C4orf50: variants seen among roughly 807,000 people sequenced by gnomAD.
C4orf50 encodes chromosome 4 open reading frame 50, also known as uncharacterized protein C4orf50.
C4orf50 carries 80 observed loss-of-function variants against 77.2 expected under a neutral mutation model. That is an observed-to-expected ratio of 1.04 (90% CI 0.87 to 1.25). C4orf50 has a LOEUF of 1.25. C4orf50 is among the 50% of genes most tolerant of loss of function. C4orf50 has a pLI of 0.00. For synonymous variants in C4orf50, 532 were observed against 465.3 expected, an observed-to-expected ratio of 1.14 and a Z score of -1.84; for missense variants, 1,257 against 1,152.9, an observed-to-expected ratio of 1.09 and a Z score of -1.31.
At chr4:5,913,044 T>C (rs1230066744) in intron 7 of C4orf50, among the ~76,000 whole-genome samples, 2 of 152,238 alleles carry the variant, frequency 1.3e-5, no homozygotes, top group African/African-American at 4.8e-5. Context: ...CGTATCTCTC[T>C]GGCCAACAAG....
intron 25 of C4orf50, among the ~76,000 whole-genome samples, chr4:6,005,983 A>G (rs1156733954): frequency 6.6e-6 from 1 of 152,232 alleles, no homozygotes; most frequent in African/African-American, 2.4e-5. Context: ...GGAAAATTAC[A>G]GAGAGAATTT....
At chr4:5,938,817 G>A (rs376482341) in intron 7 of C4orf50, among the ~76,000 whole-genome samples, 1 of 150,214 alleles carries the variant, frequency 6.7e-6, no homozygotes, top group East Asian at 2.0e-4. Flanking sequence ...TATCATTTAA[G>A]ACAAATGATG....
chr4:5,921,641 G>T (rs1159829921), intron 7 of C4orf50, among the ~76,000 whole-genome samples: 1 of 152,096 alleles, frequency 6.6e-6, no homozygotes, highest in African/African-American at 2.4e-5. Flanking sequence ...CACCGGGTGG[G>T]TAAGTTGGCA....
intron 7 of C4orf50, among the ~76,000 whole-genome samples, chr4:5,927,394 T>C (rs955199852): frequency 2.0e-5 from 3 of 152,034 alleles, no homozygotes; most frequent in Non-Finnish European, 2.9e-5. Flanking sequence ...TGGAGCTTAC[T>C]CTCTTGCTTT....
chr4:5,976,035 A>C, intron 29 of C4orf50, 80 bp from the exon 8 acceptor site: 1 of 1,211,600 alleles, frequency 8.3e-7, no homozygotes, highest in Non-Finnish European at 1.2e-6. Context: ...AGCTGGGCTC[A>C]GAACAGCTGG....
exon 28 of C4orf50, chr4:5,989,117 G>T: frequency 6.5e-7 from 1 of 1,535,854 alleles, no homozygotes; most frequent in Non-Finnish European, 8.7e-7. Flanking sequence ...TGGTTATCCC[G>T]CTCGAGCCTG....
Position 6,004,284 on chromosome 4 carries a change from TGTTGGTG to T in C4orf50, c.963+3705_963+3711del, listed in dbSNP as rs1560598955. Among the ~76,000 whole-genome samples the T allele has an allele frequency of 5.0e-3, 367 of 73,180 alleles. 18 individuals carry two copies. Among genetic ancestry groups the T allele is most frequent in the East Asian group, 0.03 (25 of 824 alleles). 48.0% of individuals were successfully genotyped at this position (73,180 alleles called of 152,430 possible). A position where few individuals can be genotyped will look rare whatever the true frequency, so the allele number is the denominator to read the frequency against. The stretch of plus-strand genomic sequence containing the variant: ...GTGATGGTGGTGATGGTGATGGTGA[TGTTGGTG>T]ATGATGGTGATGGTGGTGATGATGT... On this transcript the variant is annotated intron_variant, in intron 25 of 33. Transcript: ENST00000531445.
At chr4:5,982,539 G>A (rs1042868072) in intron 28 of C4orf50, among the ~76,000 whole-genome samples, 2 of 152,166 alleles carry the variant, frequency 1.3e-5, no homozygotes, top group African/African-American at 2.4e-5. Context: ...GTGATGACCT[G>A]AAGGGGGCAC....
At chr4:5,994,349 G>A in exon 26 of C4orf50, 1 of 399,272 alleles carries the variant, frequency 2.5e-6, no homozygotes, top group Non-Finnish European at 4.4e-6. Context: ...CCGCGCACCT[G>A]CTGGGGCCCT....
chr4:5,919,133 G>A lies in C4orf50; in HGVS notation c.*2475-20945C>T, dbSNP rs746456075. 6.6e-6 allele frequency among the ~76,000 whole-genome samples: 1 copy of A among 152,178 alleles called. No individual in the cohort carries two copies. The highest frequency in any genetic ancestry group is 1.5e-5 in the Non-Finnish European group (1 of 68,024). On this transcript the variant is annotated intron_variant, in intron 7 of 7. Coordinates refer to the C4orf50 transcript ENST00000324058. This position sits in a 1 kb window ranked among gnomAD's most constrained non-coding sequence, Gnocchi z 6.5. ...GGACATTGCTAGTGAGCGGTAGCGG[G>A]GAATGCTGGGGTGTGGGGGCAACGT...
intron 28 of C4orf50, among the ~76,000 whole-genome samples, chr4:5,987,899 C>T (rs1411140647): frequency 6.6e-6 from 1 of 152,108 alleles, no homozygotes; most frequent in African/African-American, 2.4e-5. Context: ...AGCACAGAGC[C>T]GGGTTGGAAC....
rs140162294 is a variant in C4orf50 at position 5,983,372 on chromosome 4, G to A, written c.3700-3034C>T. ...CTCATCTCACACCACACCCTTCCTTGCCCATTGGAATCCAGCCACGCTGAC... is the reference window on the plus strand; with the variant it reads ...CTCATCTCACACCACACCCTTCCTTACCCATTGGAATCCAGCCACGCTGAC... On this transcript the variant is annotated intron_variant, in intron 28 of 33. Transcript: ENST00000531445. Among the ~76,000 whole-genome samples the A allele has an allele frequency of 5.8e-3, 882 of 152,176 alleles. 3 individuals carry two copies. The highest frequency in any genetic ancestry group is 0.014 in the Middle Eastern group (4 of 294).
Position 6,008,844 on chromosome 4 carries a change from C to T in C4orf50, c.427-312G>A, listed in dbSNP as rs1328402384. ...ATCAGCGAGTACACACCCTGAGGGC[C>T]GCTGGAGATGTCCGGATACTGAATA... On this transcript the variant is annotated intron_variant, in intron 24 of 33. Coordinates refer to ENST00000531445, the Ensembl canonical transcript of C4orf50. The surrounding 1 kb of genome is among the most constrained non-coding windows in gnomAD (Gnocchi z 6.0). Among the ~76,000 whole-genome samples, 1 of 152,098 alleles carries T rather than the reference C, an allele frequency of 6.6e-6. No individual in the cohort carries two copies. The highest frequency in any genetic ancestry group is 1.5e-5 in the Non-Finnish European group (1 of 68,016).
chr4:5,981,365 T>C (rs1476880288), intron 28 of C4orf50, among the ~76,000 whole-genome samples: 16 of 151,554 alleles, frequency 1.1e-4, no homozygotes, highest in Non-Finnish European at 7.4e-5. Context: ...TTCCCTGAGA[T>C]CATCAGGGGG....
chr4:5,951,396 G>A (rs931997221), intron 7 of C4orf50, among the ~76,000 whole-genome samples: 2 of 152,086 alleles, frequency 1.3e-5, no homozygotes, highest in East Asian at 1.9e-4. Flanking sequence ...AGAAACTGAG[G>A]CTCAGAGAGG....
rs1722334713 is a variant in C4orf50 at position 6,008,275 on chromosome 4, T to C, written c.684A>G (p.Pro228=). The C allele has an allele frequency of 5.1e-6, 2 of 391,550 alleles. No homozygotes were observed. The highest frequency in any genetic ancestry group is 2.6e-4 in the South Asian group (2 of 7,804). The allele number at this position is 391,550 out of a possible 1,614,324, so 24.3% of individuals were successfully genotyped here. ...CCGCCTCGGTGGCGCCCTGGGAGCC[T>C]GGGGCCGCGGTGTCCCACTGGGCCA... The change falls in exon 25 of 34, where the codon CCA becomes CCG. Residue 228 remains proline, a synonymous_variant. Transcript: ENST00000531445. The surrounding 1 kb of genome is among the most constrained non-coding windows in gnomAD (Gnocchi z 6.0).
intron 31 of C4orf50, among the ~76,000 whole-genome samples, chr4:5,968,487 G>A (rs968806044): frequency 7.9e-5 from 12 of 152,116 alleles, no homozygotes; most frequent in African/African-American, 2.7e-4. Flanking sequence ...GCTCCTGAAC[G>A]GTGCTCTTAG....
chr4:6,003,829 T>G, intron 25 of C4orf50, among the ~76,000 whole-genome samples: 2 of 121,306 alleles, frequency 1.6e-5, no homozygotes, highest in Non-Finnish European at 3.4e-5. Context: ...ATGGTGATGG[T>G]GATGATGTGA....
intron 7 of C4orf50, among the ~76,000 whole-genome samples, chr4:5,922,544 G>A (rs918497614): frequency 6.6e-6 from 1 of 152,206 alleles, no homozygotes; most frequent in African/African-American, 2.4e-5. Context: ...CCCACGGGAA[G>A]GGGCAGGCGT....
Sources: allele counts gnomAD v4.1 joint callset (sites outside exome capture counted in the v4.1 genomes callset), GRCh38; gene constraint gnomAD v4.1.1; non-coding constraint Gnocchi (gnomAD v3.1); transcripts MANE v1.5; gene names NCBI Gene and HGNC (gene_info 2026-07-23, HGNC 2026-07-21).